Variants in PLBD1 observed in about 807,000 individuals in gnomAD.
PLBD1 encodes phospholipase B domain containing 1.
In PLBD1, 60 loss-of-function variants were observed where a neutral mutation model predicts 63.0. The ratio of observed to expected loss-of-function variants is 0.95; its 90% CI spans 0.77 to 1.18. The LOEUF (loss-of-function observed/expected upper bound fraction) is 1.18. PLBD1 is among the 50% of genes most tolerant of loss of function. PLBD1 has a pLI of 0.00. For synonymous variants in PLBD1, 262 were observed against 248.0 expected, an observed-to-expected ratio of 1.06 and a Z score of -0.53; for missense variants, 598 against 677.9, an observed-to-expected ratio of 0.88 and a Z score of 1.31.
At chr12:14,511,155 ACC>A in intron 8 of PLBD1, 103 bp downstream of exon 8, 1 of 773,828 alleles carries the variant, frequency 1.3e-6, no homozygotes, top group Non-Finnish European at 2.0e-6. Context: ...TGTCTTCCCC[ACC>A]ATACCCTCCC....
At chr12:14,515,655 A>G (rs767349911) in intron 6 of PLBD1, among the ~76,000 whole-genome samples, 5 of 152,192 alleles carry the variant, frequency 3.3e-5, no homozygotes, top group Non-Finnish European at 7.3e-5. Flanking sequence ...TACAACATAT[A>G]TTTATTAAAT....
At chr12:14,521,370 A>G (rs1241605999) in intron 6 of PLBD1, among the ~76,000 whole-genome samples, 1 of 152,090 alleles carries the variant, frequency 6.6e-6, no homozygotes, top group African/African-American at 2.4e-5. Flanking sequence ...TCCTGCCCCC[A>G]GAGGACAGAC....
intron 6 of PLBD1, among the ~76,000 whole-genome samples, chr12:14,517,553 C>T (rs1396779796): frequency 6.6e-6 from 1 of 152,034 alleles, no homozygotes; most frequent in African/African-American, 2.4e-5. Context: ...GCACCCAGTC[C>T]TCAACCACTG....
intron 3 of PLBD1, among the ~76,000 whole-genome samples, chr12:14,541,552 G>T (rs1265216503): frequency 6.6e-6 from 1 of 152,118 alleles, no homozygotes; most frequent in Non-Finnish European, 1.5e-5. Context: ...GCTATCACTA[G>T]CTCAATCTTA....
At chr12:14,521,865 T>C (rs1945379499) in intron 6 of PLBD1, among the ~76,000 whole-genome samples, 1 of 151,788 alleles carries the variant, frequency 6.6e-6, no homozygotes, top group African/African-American at 2.4e-5. Context: ...GGAAAATCAA[T>C]GAGATTCAAG....
At chr12:14,555,077 T>A (rs1945690568) in intron 1 of PLBD1, among the ~76,000 whole-genome samples, 1 of 152,226 alleles carries the variant, frequency 6.6e-6, no homozygotes, top group Admixed American at 6.5e-5. Context: ...CCTATATTTT[T>A]ATGCTACTTT....
intron 3 of PLBD1, among the ~76,000 whole-genome samples, chr12:14,541,594 C>G (rs1251232199): frequency 6.6e-6 from 1 of 152,128 alleles, no homozygotes; most frequent in East Asian, 1.9e-4. Flanking sequence ...GGATCTAGCC[C>G]AGTGGTTTTT....
chr12:14,566,000 G>T (rs549554878), intron 1 of PLBD1, among the ~76,000 whole-genome samples: 1 of 152,122 alleles, frequency 6.6e-6, no homozygotes, highest in African/African-American at 2.4e-5. Context: ...AATAAATAGT[G>T]CTCCATCTTC....
rs146450442 is a variant in PLBD1 at position 14,506,988 on chromosome 12, A to G, written c.1317T>C (p.Arg439=). 5.0e-6 allele frequency: 8 copies of G among 1,614,114 alleles called. No individual in the cohort carries two copies. The Admixed American group carries it at 8.3e-5, about 17-fold the overall frequency. The change falls in exon 9 of 11, where the codon CGT becomes CGC. Residue 439 remains arginine, a synonymous_variant. Transcript: ENST00000240617. ...DLAPRAKIFR[R]DQGKVTDTAS... The stretch of plus-strand genomic sequence containing the variant: ...CCGTATCAGTCACTTTCCCTTGGTC[A>G]CGCCGGAAAATTTTGGCTCGTGGAG...
intron 4 of PLBD1, among the ~76,000 whole-genome samples, chr12:14,538,367 A>C (rs948758413): frequency 6.1e-4 from 92 of 151,526 alleles, no homozygotes; most frequent in African/African-American, 2.2e-3. Flanking sequence ...TAATTTTTGT[A>C]GTTTTTTGTA....
At position 14,536,563 on chromosome 12, in the gene PLBD1, G is replaced by A. The variant is rs760383948; in HGVS notation, c.699+7C>T. The A allele has an allele frequency of 1.2e-6, 2 of 1,613,926 alleles. No homozygotes were observed. Among genetic ancestry groups the A allele is most frequent in the Non-Finnish European group, 1.7e-6 (2 of 1,179,856 alleles). On this transcript the variant is annotated splice_region_variant and intron_variant, in intron 5 of 10. Transcript: ENST00000240617. ...AGAACAAGGCAAAAGGAGCTGCTAT[G>A]TCTTACCTTGATAAGAGCGGAGCAA... is the stretch of plus-strand genomic sequence containing the variant.
chr12:14,566,806 A>C (rs1007387076), intron 1 of PLBD1, among the ~76,000 whole-genome samples: 2 of 151,742 alleles, frequency 1.3e-5, no homozygotes, highest in Non-Finnish European at 2.9e-5. Flanking sequence ...AAAAAAAAAA[A>C]AAAAAACTGC....
At chr12:14,506,732 A>G (rs947733642) in intron 9 of PLBD1, among the ~76,000 whole-genome samples, 1 of 152,122 alleles carries the variant, frequency 6.6e-6, no homozygotes, top group African/African-American at 2.4e-5. Context: ...TCAATTAAAA[A>G]ATGTATAGAC....
chr12:14,537,914 T>G (rs1262973983), intron 4 of PLBD1, among the ~76,000 whole-genome samples: 2 of 152,128 alleles, frequency 1.3e-5, no homozygotes, highest in African/African-American at 4.8e-5. Flanking sequence ...TTTTCTCAGG[T>G]ACTACCATTT....
At chr12:14,540,035 T>TAC (rs1945556473) in intron 4 of PLBD1, among the ~76,000 whole-genome samples, 1 of 92,650 alleles carries the variant, frequency 1.1e-5, no homozygotes, top group African/African-American at 3.3e-5. Flanking sequence ...TATATATATA[T>TAC]ATATATATAT....
chr12:14,525,899 C>G (rs1945412655), intron 6 of PLBD1, among the ~76,000 whole-genome samples: 1 of 152,090 alleles, frequency 6.6e-6, no homozygotes, highest in Non-Finnish European at 1.5e-5. Context: ...TTTTAGCAGA[C>G]ATAATTGCTT....
chr12:14,524,640 A>C (rs1451721116), intron 6 of PLBD1, among the ~76,000 whole-genome samples: 2 of 152,202 alleles, frequency 1.3e-5, no homozygotes, highest in African/African-American at 2.4e-5. Flanking sequence ...GCGGTGAAGA[A>C]TATACTAAAT....
intron 3 of PLBD1, 115 bp from the exon 4 acceptor site, chr12:14,541,017 T>TCTA: frequency 8.6e-7 from 1 of 1,168,614 alleles, no homozygotes; most frequent in Non-Finnish European, 1.2e-6. Flanking sequence ...TGATTTAAAT[T>TCTA]CTAGATCTTG....
chr12:14,508,506 T>C (rs1481898786), intron 8 of PLBD1, among the ~76,000 whole-genome samples: 1 of 152,198 alleles, frequency 6.6e-6, no homozygotes, highest in Admixed American at 6.5e-5. Context: ...CAGTGGCTTG[T>C]GCCTGTAATC....
Sources: allele counts gnomAD v4.1 joint callset (sites outside exome capture counted in the v4.1 genomes callset), GRCh38; gene constraint gnomAD v4.1.1; transcripts MANE v1.5; gene names NCBI Gene and HGNC (gene_info 2026-07-23, HGNC 2026-07-21).